Variants in MBD6 observed in about 807,000 individuals in gnomAD.
The protein encoded by MBD6 is methyl-CpG binding domain protein 6.
MBD6 carries 22 observed loss-of-function variants against 66.8 expected under a neutral mutation model. That is an observed-to-expected ratio of 0.33 (90% CI 0.24 to 0.47). The LOEUF is 0.47. MBD6 is among the 20% of genes least tolerant of loss of function. MBD6 has a pLI of 1.00. For missense variants in MBD6, 1,322 were observed against 1,286.9 expected, an observed-to-expected ratio of 1.03 and a Z score of -0.42; for synonymous variants, 540 against 534.6, an observed-to-expected ratio of 1.01 and a Z score of -0.14.
chr12:57,523,116 TCCCCCGCCCTCACCTG>T (rs1878535078), intron 1 of MBD6, 105 bp downstream of exon 1: 1 of 110,456 alleles, frequency 9.1e-6, no homozygotes, highest in South Asian at 3.4e-4. Flanking sequence ...CCATCCCCAC[TCCCCCGCCCTCACCTG>T]CCCCCGCCGC....
chr12:57,522,389 TG>T (rs1565659161), upstream of MBD6, among the ~76,000 whole-genome samples: 1 of 152,192 alleles, frequency 6.6e-6, no homozygotes, highest in South Asian at 2.1e-4. Context: ...GGGAAGCCTT[TG>T]GGGCGGGGCA....
intron 3 of MBD6, 79 bp downstream of exon 3, chr12:57,524,495 A>G (rs1401197786): frequency 1.5e-6 from 2 of 1,313,580 alleles, no homozygotes; most frequent in East Asian, 4.9e-5. Flanking sequence ...CTCTCAGCTC[A>G]GCTCTCTGGT....
downstream of MBD6, chr12:57,530,703 T>C (rs55640208): frequency 1.2e-6 from 2 of 1,613,716 alleles, no homozygotes; most frequent in African/African-American, 1.3e-5. Context: ...TTTCCCAGCT[T>C]CTTCATCCGT....
rs142007324 is a variant in MBD6 at position 57,524,978 on chromosome 12, C to T, written c.242C>T (p.Pro81Leu). ...PKVFNFDPLAPVTPGGAGVGP... is the reference protein window; with the variant it reads ...PKVFNFDPLALVTPGGAGVGP... Reference sequence around the variant, plus strand: ...GTTTTCAACTTTGACCCTTTGGCCCCGGTGACCCCGGGTGGGGCTGGGGTG... The same window carrying T: ...GTTTTCAACTTTGACCCTTTGGCCCTGGTGACCCCGGGTGGGGCTGGGGTG... Residue 81 changes from proline to leucine, a missense_variant, in exon 5 of 13, where the codon CCG becomes CTG. By Grantham distance (98) the Pro-to-Leu change is moderately conservative (BLOSUM62 -3). Coordinates refer to ENST00000355673, the MANE Select transcript of MBD6 (RefSeq NM_052897.4). The T allele has an allele frequency of 3.6e-5, 57 of 1,604,314 alleles. No individual in the cohort carries two copies. In the African/African-American group the frequency reaches 4.2e-4, roughly 12 times the overall value.
chr12:57,524,872 T>C, intron 4 of MBD6, 50 bp downstream of exon 4: 2 of 1,612,234 alleles, frequency 1.2e-6, no homozygotes, highest in Non-Finnish European at 1.7e-6. Context: ...CTAAAAGTCT[T>C]AATGCAAATC....
At chr12:57,528,600 G>T (rs535873683) in intron 10 of MBD6, 40 bp downstream of exon 10, 2 of 1,612,894 alleles carry the variant, frequency 1.2e-6, no homozygotes, top group Admixed American at 3.3e-5. Context: ...CAGGGGCTCT[G>T]AGGAAAGGTT....
In MBD6 at chr12:57,526,995, C is replaced by A. The variant is rs916134650; in HGVS notation, c.1850C>A (p.Pro617His). 6.2e-7 allele frequency: 1 copy of A among 1,613,786 alleles called. No homozygotes were observed. Among genetic ancestry groups the A allele is most frequent in the Admixed American group, 1.7e-5 (1 of 60,006 alleles). Residue 617 changes from proline (P) to histidine (H), a missense_variant, in exon 7 of 13, where the codon CCT becomes CAT. Coordinates refer to ENST00000355673, the MANE Select transcript of MBD6 (RefSeq NM_052897.4). ...PSDLLPPPSA[P>H]PSNLLASFLP... ...GACCTTCTTCCACCTCCTTCAGCAC[C>A]TCCCAGCAACCTCCTTGCCTCTTTC...
chr12:57,522,542 C>A (rs1288808110), upstream of MBD6, among the ~76,000 whole-genome samples: 2 of 150,198 alleles, frequency 1.3e-5, no homozygotes, highest in Non-Finnish European at 3.0e-5. Flanking sequence ...GGAAGAGGCG[C>A]AGATCCTTCC....
At chr12:57,524,515 C>T in intron 3 of MBD6, 99 bp downstream of exon 3, 1 of 1,171,922 alleles carries the variant, frequency 8.5e-7, no homozygotes. Flanking sequence ...TACCCGATTG[C>T]TCTCCTCTCT....
chr12:57,522,187 T>C (rs1376529965), upstream of MBD6, among the ~76,000 whole-genome samples: 2 of 152,186 alleles, frequency 1.3e-5, no homozygotes, highest in Non-Finnish European at 2.9e-5. Context: ...TTGGTTAGGC[T>C]GCTCCGCTGC....
At position 57,526,985 on chromosome 12, in the gene MBD6, C is replaced by T; in HGVS notation, c.1840C>T (p.Pro614Ser). The T allele has an allele frequency of 6.2e-7, 1 of 1,613,854 alleles. No homozygotes were observed. Among genetic ancestry groups the T allele is most frequent in the Non-Finnish European group, 8.5e-7 (1 of 1,179,964 alleles). The change falls in exon 7 of 13, where the codon CCT (proline) becomes TCT (serine). Residue 614 changes from proline (P) to serine (S), a missense_variant. Coordinates refer to ENST00000355673, the MANE Select transcript of MBD6 (RefSeq NM_052897.4). ...ACCACCCTCAGACCTTCTTCCACCTCCTTCAGCACCTCCCAGCAACCTCCT... is the reference window on the plus strand; with the variant it reads ...ACCACCCTCAGACCTTCTTCCACCTTCTTCAGCACCTCCCAGCAACCTCCT... ...PPPPSDLLPP[P>S]SAPPSNLLAS... is the part of the protein sequence containing the mutation.
chr12:57,530,877 A>G (rs1380071811), downstream of MBD6: 3 of 1,046,674 alleles, frequency 2.9e-6, no homozygotes, highest in Non-Finnish European at 4.4e-6. Context: ...AAATGGAAGC[A>G]CAATTTGTGG....
intron 4 of MBD6, 41 bp from the exon 5 acceptor site, chr12:57,524,912 C>G (rs761321133): frequency 2.6e-5 from 42 of 1,604,842 alleles, no homozygotes; most frequent in Non-Finnish European, 2.6e-6. Context: ...CTCACAGGTT[C>G]CAGCCCCTCA....
chr12:57,528,958 C>G lies in MBD6; in HGVS notation c.2886C>G (p.Asn962Lys). 6.2e-7 allele frequency: 1 copy of G among 1,614,152 alleles called. No individual in the cohort carries two copies. Among genetic ancestry groups the G allele is most frequent in the South Asian group, 1.1e-5 (1 of 91,078 alleles). ...GRRRKYNPTR[N>K]SNSSRQDITL... ...CCCCTTATTGCAGCCCTACCCGGAACAGCAATAGCTCCCGCCAGGACATTA... is the reference window on the plus strand; with the variant it reads ...CCCCTTATTGCAGCCCTACCCGGAAGAGCAATAGCTCCCGCCAGGACATTA... Residue 962 changes from asparagine (N) to lysine (K), a missense_variant, in exon 12 of 13, where the codon AAC (asparagine) becomes AAG (lysine). Asn to Lys is a moderately conservative substitution (Grantham distance 94, BLOSUM62 0). Coordinates refer to ENST00000355673, the MANE Select transcript of MBD6 (RefSeq NM_052897.4).
At position 57,525,912 on chromosome 12, in the gene MBD6, C is replaced by T; in HGVS notation, c.944C>T (p.Ala315Val). ...GCCCCCACGGTGGAGGGGCCTGGGG[C>T]ACCCCCCTTCCTTGCTAGCAGCCTA... ...GGAPTVEGPG[A>V]PPFLASSLLS... The change falls in exon 6 of 13, where the codon GCA (alanine) becomes GTA (valine). Residue 315 changes from alanine (A) to valine (V), a missense_variant. Coordinates refer to ENST00000355673, the MANE Select transcript of MBD6 (RefSeq NM_052897.4). 1 of 1,612,856 alleles carries T rather than the reference C, an allele frequency of 6.2e-7. No homozygotes were observed. Among genetic ancestry groups the T allele is most frequent in the South Asian group, 1.1e-5 (1 of 91,054 alleles).
upstream of MBD6, chr12:57,522,749 T>TGCGGCAGCGACGGCGGCGGCGGCA (rs1028307336): frequency 1.5e-5 from 1 of 66,034 alleles, no homozygotes; most frequent in Middle Eastern, 9.3e-3. Context: ...CGGCGGCGGC[T>TGCGGCAGCGACGGCGGCGGCGGCA]GCGGCAGCGA....
rs747494746 is a variant in MBD6 at position 57,529,135 on chromosome 12, C to G, written c.2938-25C>G. ...CCTGATACCTAGCAATTGACCACTTCTATCAACTTCCCCTCTGATATTAGG... is the reference window on the plus strand; with the variant it reads ...CCTGATACCTAGCAATTGACCACTTGTATCAACTTCCCCTCTGATATTAGG... On this transcript the variant is annotated intron_variant, in intron 12 of 12. Coordinates refer to ENST00000355673, the MANE Select transcript of MBD6 (RefSeq NM_052897.4). 4.3e-6 allele frequency: 7 copies of G among 1,613,996 alleles called. No individual in the cohort carries two copies. The South Asian group carries it at 7.7e-5, about 18-fold the overall frequency.
rs201266559 is a variant in MBD6 at position 57,528,418 on chromosome 12, G to C, written c.2678G>C (p.Trp893Ser). 3 of 1,613,416 alleles carry C rather than the reference G, an allele frequency of 1.9e-6. No individual in the cohort carries two copies. The East Asian group carries it at 6.7e-5, about 36-fold the overall frequency. Reference protein sequence around the residue: ...RREPGRLALKWGTRGGFNGQM... With the variant: ...RREPGRLALKSGTRGGFNGQM... ...GAGCCTGGCCGACTGGCCCTCAAATGGGGGACACGTGGTGGCTTCAATGGA... is the reference window on the plus strand; with the variant it reads ...GAGCCTGGCCGACTGGCCCTCAAATCGGGGACACGTGGTGGCTTCAATGGA... Residue 893 changes from tryptophan to serine, a missense_variant, in exon 10 of 13, where the codon TGG becomes TCG. Physicochemically the swap from Trp to Ser is radical, Grantham distance 177 (BLOSUM62 -3). Transcript: ENST00000355673.
chr12:57,521,236 G>C (rs1285380581), upstream of MBD6: 1 of 152,338 alleles, frequency 6.6e-6, no homozygotes, highest in African/African-American at 2.4e-5. Flanking sequence ...GCTGAGGAGA[G>C]CGGATCACTT....
Sources: allele counts gnomAD v4.1 joint callset (sites outside exome capture counted in the v4.1 genomes callset), GRCh38; gene constraint gnomAD v4.1.1; transcripts MANE v1.5; gene names NCBI Gene and HGNC (gene_info 2026-07-23, HGNC 2026-07-21).